The following TLN2 variants were observed in gnomAD, a reference collection of about 807,000 sequenced individuals.
TLN2 encodes talin-2.
In TLN2, 118 loss-of-function variants were observed where a neutral mutation model predicts 294.7. That is an observed-to-expected ratio of 0.40 (90% CI 0.34 to 0.47). The LOEUF (loss-of-function observed/expected upper bound fraction) is 0.47. Among genes scored for constraint, TLN2 ranks in the 20% least tolerant of loss-of-function variants. TLN2 has a pLI of 0.84. For synonymous variants in TLN2, 1,431 were observed against 1,304.5 expected (o/e 1.10, Z -2.09); for missense variants, 3,083 against 3,282.2 (o/e 0.94, Z 1.48).
chr15:62,502,018 C>T lies in TLN2; in HGVS notation c.-237-87669C>T, dbSNP rs59093808. 6.9e-3 allele frequency among the ~76,000 whole-genome samples: 1,056 copies of T among 152,192 alleles called. 10 individuals carry two copies. The highest frequency in any genetic ancestry group is 0.024 in the African/African-American group (1,009 of 41,512). On this transcript the variant is annotated intron_variant, in intron 1 of 58. Transcript: ENST00000636159. ...CATGTGATATGGCTTTGTGACCTTC[C>T]TCGCTCTCTTTGTCCTAAGCCTATG...
rs145593887 is a variant in TLN2, at chr15:62,783,827, C to G, written c.5673C>G (p.Thr1891=). ...EELGGLASQM[T]SDYGHLAFQG... Reference sequence around the variant, plus strand: ...TGGGAGGACTGGCTTCACAAATGACCAGTGACTATGGGCACCTGGCTTTCC... The same window carrying G: ...TGGGAGGACTGGCTTCACAAATGACGAGTGACTATGGGCACCTGGCTTTCC... The change falls in exon 45 of 59, where the codon ACC becomes ACG. Residue 1891 remains threonine, a synonymous_variant. Coordinates refer to ENST00000636159, the MANE Select transcript of TLN2 (RefSeq NM_015059.3). 6.2e-7 allele frequency: 1 copy of G among 1,613,648 alleles called. No homozygotes were observed. The highest frequency in any genetic ancestry group is 1.1e-5 in the South Asian group (1 of 91,064).
chr15:62,702,089 C>T lies in TLN2; in HGVS notation c.1794C>T (p.Ala598=), dbSNP rs539209082. ...TEMSKGVKLL[A]ALMDDEVGSG... Reference sequence around the variant, plus strand: ...TGTCCAAGGGTGTGAAGCTATTGGCCGCCCTCATGGATGATGAGGTGGGCA... The same window carrying T: ...TGTCCAAGGGTGTGAAGCTATTGGCTGCCCTCATGGATGATGAGGTGGGCA... Residue 598 remains alanine, a synonymous_variant, in exon 18 of 59, where the codon GCC becomes GCT. Coordinates refer to ENST00000636159, the MANE Select transcript of TLN2 (RefSeq NM_015059.3). The T allele has an allele frequency of 5.6e-6, 9 of 1,614,084 alleles. No homozygotes were observed. The highest frequency in any genetic ancestry group is 2.2e-5 in the East Asian group (1 of 44,898).
chr15:62,412,987 G>A (rs959724689), intron 1 of TLN2, among the ~76,000 whole-genome samples: 2 of 152,188 alleles, frequency 1.3e-5, no homozygotes, highest in African/African-American at 4.8e-5. Context: ...CTAGAGAAGT[G>A]GAGAGACTGC....
chr15:62,643,327 G>A (rs975986217), intron 3 of TLN2, among the ~76,000 whole-genome samples: 2 of 150,986 alleles, frequency 1.3e-5, no homozygotes, highest in Non-Finnish European at 2.9e-5. Context: ...GGAGCCAGAA[G>A]TGAGAAGGCA....
chr15:62,399,689 T>C (rs547648620), intron 1 of TLN2, among the ~76,000 whole-genome samples: 1 of 152,360 alleles, frequency 6.6e-6, no homozygotes, highest in African/African-American at 2.4e-5. Context: ...CCCTATTGGA[T>C]TTTGGACTTG....
chr15:62,762,536 A>G (rs1189929181), intron 39 of TLN2, 83 bp downstream of exon 39: 4 of 1,426,862 alleles, frequency 2.8e-6, no homozygotes, highest in Non-Finnish European at 3.9e-6. Context: ...TTTTTACTTA[A>G]TAGTGATATT....
At chr15:62,657,643 G>T (rs2053376773) in intron 8 of TLN2, 128 bp from the exon 9 acceptor site, 27 of 1,397,542 alleles carry the variant, frequency 1.9e-5, no homozygotes, top group Non-Finnish European at 2.5e-5. Context: ...TCCTGCACAT[G>T]TCACCGTGGG....
Position 62,702,819 on chromosome 15 carries a change from T to A in TLN2, c.1959T>A (p.Asp653Glu). The A allele has an allele frequency of 6.2e-7, 1 of 1,614,216 alleles. No individual in the cohort carries two copies. Among genetic ancestry groups the A allele is most frequent in the South Asian group, 1.1e-5 (1 of 91,088 alleles). Residue 653 changes from aspartate to glutamate, a missense_variant, in exon 19 of 59, where the codon GAT (aspartate) becomes GAA (glutamate). Transcript: ENST00000636159. The stretch of plus-strand genomic sequence containing the variant: ...GCAGCATCGGACAAGCCAGTGGGGA[T>A]CTTCTGAGACAGATTGGAGAGAATG... ...AAGSIGQASG[D>E]LLRQIGENET...
chr15:62,607,949 C>T (rs1292180078), intron 2 of TLN2, among the ~76,000 whole-genome samples: 1 of 152,160 alleles, frequency 6.6e-6, no homozygotes, highest in African/African-American at 2.4e-5. Flanking sequence ...CCTCAAGGAC[C>T]TTGAATTTGA....
In TLN2 at chr15:62,704,118, T is replaced by C. The variant is rs185662347; in HGVS notation, c.2004+1254T>C. On this transcript the variant is annotated intron_variant, in intron 19 of 58. Transcript: ENST00000636159. ...GGAATTCTACAGAATTTCATTGGCC[T>C]TCACTTATTAAAATGTTTTTTGAAT... Among the ~76,000 whole-genome samples, 10 of 152,326 alleles carry C rather than the reference T, an allele frequency of 6.6e-5. No individual in the cohort carries two copies. In the East Asian group the frequency reaches 1.9e-3, roughly 29 times the overall value.
intron 46 of TLN2, 55 bp from the exon 47 acceptor site, chr15:62,796,072 T>C (rs2065454116): frequency 1.3e-6 from 2 of 1,581,176 alleles, no homozygotes; most frequent in East Asian, 4.5e-5. Flanking sequence ...AATCTGCTTT[T>C]AGGTCCTGTT....
intron 1 of TLN2, among the ~76,000 whole-genome samples, chr15:62,507,078 A>G (rs544022323): frequency 3.3e-5 from 5 of 152,342 alleles, no homozygotes; most frequent in African/African-American, 1.2e-4. Flanking sequence ...TTTTAAGATT[A>G]TTTAATCTCG....
chr15:62,399,183 G>A (rs777230361), intron 1 of TLN2, among the ~76,000 whole-genome samples: 14 of 148,892 alleles, frequency 9.4e-5, no homozygotes, highest in Admixed American at 1.4e-4. Context: ...CCTAGATTTC[G>A]GAGGCTGTAT....
intron 1 of TLN2, among the ~76,000 whole-genome samples, chr15:62,440,545 C>T (rs898152518): frequency 1.3e-5 from 2 of 152,148 alleles, no homozygotes; most frequent in East Asian, 1.9e-4. Context: ...TTGTGCCAAA[C>T]GTCAGGGAGG....
chr15:62,692,237 AG>A (rs2057983015), intron 12 of TLN2, among the ~76,000 whole-genome samples: 1 of 152,204 alleles, frequency 6.6e-6, no homozygotes, highest in South Asian at 2.1e-4. Context: ...CGTTGCAGGA[AG>A]CAGAGGGCAC....
intron 1 of TLN2, among the ~76,000 whole-genome samples, chr15:62,528,690 T>TTTTTG (rs373017151): frequency 1.4e-5 from 2 of 138,560 alleles, no homozygotes; most frequent in South Asian, 2.3e-4. Flanking sequence ...TTTTTTTTTT[T>TTTTTG]GGCATGTCTC....
chr15:62,825,793 A>ATATATATTAT (rs71131130), intron 54 of TLN2, among the ~76,000 whole-genome samples: 1 of 9,398 alleles, frequency 1.1e-4, no homozygotes, highest in African/African-American at 2.3e-4. Context: ...TATATATTAT[A>ATATATATTAT]ATATATATTA....
chr15:62,421,488 A>G (rs1005478671), intron 1 of TLN2, among the ~76,000 whole-genome samples: 8 of 152,312 alleles, frequency 5.3e-5, no homozygotes, highest in Middle Eastern at 6.8e-3. Flanking sequence ...GGAATACTAT[A>G]CAGCCATAAA....
chr15:62,790,120 CTG>C (rs2064975195), intron 45 of TLN2, among the ~76,000 whole-genome samples: 1 of 152,240 alleles, frequency 6.6e-6, no homozygotes, highest in African/African-American at 2.4e-5. Flanking sequence ...TTTCTCAACA[CTG>C]TGTCACCAAA....
Sources: allele counts gnomAD v4.1 joint callset (sites outside exome capture counted in the v4.1 genomes callset), GRCh38; gene constraint gnomAD v4.1.1; transcripts MANE v1.5; gene names NCBI Gene and HGNC (gene_info 2026-07-23, HGNC 2026-07-21).